DENND1A: variants seen among roughly 807,000 people sequenced by gnomAD.
DENND1A encodes DENN domain-containing protein 1A.
In DENND1A, 51 loss-of-function variants were observed where a neutral mutation model predicts 113.7. The observed-to-expected ratio is 0.45, with a 90% CI of 0.36 to 0.57. The LOEUF (loss-of-function observed/expected upper bound fraction) is 0.57. Ranked by LOEUF, DENND1A falls within the 20% of genes least tolerant of loss-of-function variation. DENND1A has a pLI of 0.00. For missense variants in DENND1A, 1,258 were observed against 1,395.9 expected (o/e 0.90, Z 1.57); for synonymous variants, 565 against 570.8 (o/e 0.99, Z 0.14).
chr9:123,565,678 G>T (rs962806137), intron 12 of DENND1A, among the ~76,000 whole-genome samples: 3 of 152,140 alleles, frequency 2.0e-5, no homozygotes, highest in African/African-American at 7.2e-5. Flanking sequence ...TTAGTGACTT[G>T]TTTTCCCATC....
rs73580148 is a variant in DENND1A, at chr9:123,661,708, G to A, written c.507+5318C>T. 4.7e-3 allele frequency among the ~76,000 whole-genome samples: 717 copies of A among 152,320 alleles called. 7 individuals carry two copies. The highest frequency in any genetic ancestry group is 0.017 in the African/African-American group (690 of 41,568). On this transcript the variant is annotated intron_variant, in intron 8 of 23. Coordinates refer to ENST00000394215, the MANE Select transcript of DENND1A (RefSeq NM_001352964.2). ...AATAAAACAAACAGAAGATAGGAAT[G>A]TTGAGCAGGAAAATAATACGAGGAG...
chr9:123,882,633 T>C (rs1467008013), intron 1 of DENND1A, among the ~76,000 whole-genome samples: 2 of 152,174 alleles, frequency 1.3e-5, no homozygotes, highest in Non-Finnish European at 2.9e-5. Flanking sequence ...CCCTGCTTTC[T>C]TCCTTGCCCC....
chr9:123,403,844 A>G (rs998128925), intron 20 of DENND1A, among the ~76,000 whole-genome samples: 3 of 152,168 alleles, frequency 2.0e-5, no homozygotes, highest in African/African-American at 7.2e-5. Context: ...ATCAATGACA[A>G]TTCCCTCTCA....
chr9:123,918,929 T>G lies in DENND1A; in HGVS notation c.17+10960A>C, dbSNP rs538350166. Among the ~76,000 whole-genome samples, 28 of 152,236 alleles carry G rather than the reference T, an allele frequency of 1.8e-4. No homozygotes were observed. The South Asian group carries it at 5.0e-3, about 27-fold the overall frequency. On this transcript the variant is annotated intron_variant, in intron 1 of 23. Coordinates refer to ENST00000394215, the MANE Select transcript of DENND1A (RefSeq NM_001352964.2). ...GTGAACTTGAATCTCATCAAGTCAC[T>G]TAATCCAACTACCAATTTGTAGGAA...
At chr9:123,765,789 T>C (rs1165449638) in intron 4 of DENND1A, among the ~76,000 whole-genome samples, 3 of 152,116 alleles carry the variant, frequency 2.0e-5, no homozygotes, top group African/African-American at 7.2e-5. Flanking sequence ...GTTTTTGAGA[T>C]TGATACAGGA....
intron 2 of DENND1A, among the ~76,000 whole-genome samples, chr9:123,867,267 C>G (rs1340863152): frequency 6.6e-6 from 1 of 152,036 alleles, no homozygotes; most frequent in African/African-American, 2.4e-5. Context: ...AAAAAGTCTT[C>G]TAAGCATTTA....
chr9:123,924,708 T>A (rs980045792), intron 1 of DENND1A, among the ~76,000 whole-genome samples: 1 of 151,976 alleles, frequency 6.6e-6, no homozygotes, highest in African/African-American at 2.4e-5. Context: ...TCTTATAAGA[T>A]TCACATACTA....
At chr9:123,601,050 C>T (rs894915675) in intron 11 of DENND1A, among the ~76,000 whole-genome samples, 4 of 152,150 alleles carry the variant, frequency 2.6e-5, no homozygotes, top group Non-Finnish European at 5.9e-5. Context: ...CCAGTTTTAA[C>T]ATTGCTAAAT....
At chr9:123,623,185 A>G (rs1020510348) in intron 10 of DENND1A, among the ~76,000 whole-genome samples, 4 of 152,262 alleles carry the variant, frequency 2.6e-5, no homozygotes, top group African/African-American at 9.6e-5. Context: ...TAAAAAGAGA[A>G]GATGAATTAT....
intron 13 of DENND1A, among the ~76,000 whole-genome samples, chr9:123,518,647 C>T (rs148757351): frequency 1.3e-5 from 2 of 152,190 alleles, no homozygotes; most frequent in East Asian, 3.9e-4. Flanking sequence ...ACAAGAGAGC[C>T]CATGGGAATG....
chr9:123,594,824 A>AT (rs1373061579), intron 11 of DENND1A, among the ~76,000 whole-genome samples: 3 of 152,228 alleles, frequency 2.0e-5, no homozygotes. Context: ...ATATGAGTAC[A>AT]TAACAAAGAA....
chr9:123,635,615 A>G (rs2061665371), intron 9 of DENND1A, among the ~76,000 whole-genome samples: 1 of 152,244 alleles, frequency 6.6e-6, no homozygotes, highest in Admixed American at 6.5e-5. Context: ...ACAAAATACC[A>G]ATGACAGAAA....
intron 20 of DENND1A, among the ~76,000 whole-genome samples, chr9:123,403,730 T>C (rs575288815): frequency 1.3e-5 from 2 of 152,332 alleles, no homozygotes; most frequent in African/African-American, 4.8e-5. Flanking sequence ...AAGCTCGGTT[T>C]CTTCATCTGC....
Position 123,780,476 on chromosome 9 carries a change from T to G in DENND1A, c.133-10913A>C, listed in dbSNP as rs77532217. Among the ~76,000 whole-genome samples, 358 of 152,316 alleles carry G rather than the reference T, an allele frequency of 2.4e-3. 3 individuals carry two copies. Among genetic ancestry groups the G allele is most frequent in the African/African-American group, 8.4e-3 (349 of 41,580 alleles). ...ATTGACTGAGCACTTACTATTGCCA[T>G]GCACTGTGCTAAAGTCTACATGCCT... On this transcript the variant is annotated intron_variant, in intron 3 of 23. Coordinates refer to ENST00000394215, the MANE Select transcript of DENND1A (RefSeq NM_001352964.2).
chr9:123,616,153 C>A (rs1263645974), intron 10 of DENND1A, among the ~76,000 whole-genome samples: 1 of 152,236 alleles, frequency 6.6e-6, no homozygotes, highest in Admixed American at 6.5e-5. Flanking sequence ...TGGTCTCGAA[C>A]TCCTGACCTC....
intron 1 of DENND1A, among the ~76,000 whole-genome samples, chr9:123,925,253 G>C (rs1856902000): frequency 6.6e-6 from 1 of 151,952 alleles, no homozygotes; most frequent in Admixed American, 6.6e-5. Flanking sequence ...CATATGTACT[G>C]CTCCCTCTGC....
chr9:123,396,788 G>T (rs78073771), intron 21 of DENND1A, among the ~76,000 whole-genome samples: 3,741 of 152,296 alleles, frequency 0.025, 69 homozygotes, highest in African/African-American at 0.042. Context: ...GAAGGATTCG[G>T]ACACATGTTT....
chr9:123,606,988 G>C lies in DENND1A; in HGVS notation c.765+2448C>G, dbSNP rs574157897. Among the ~76,000 whole-genome samples the C allele has an allele frequency of 2.6e-5, 4 of 152,336 alleles. 1 individual carries two copies. In the South Asian group the frequency reaches 8.3e-4, roughly 32 times the overall value. On this transcript the variant is annotated intron_variant, in intron 11 of 23. Transcript: ENST00000394215. ...TGGATATGTTTAGGGATCAGCAGGA[G>C]CACAAGCTAACATGGGTCAGTGACC...
At chr9:123,575,930 A>G (rs1411474150) in intron 12 of DENND1A, among the ~76,000 whole-genome samples, 1 of 152,214 alleles carries the variant, frequency 6.6e-6, no homozygotes, top group African/African-American at 2.4e-5. Context: ...AACCTCTGTA[A>G]ATTGGAGTGT....
Sources: gnomAD v4.1 joint callset for allele counts (sites outside exome capture counted in the v4.1 genomes callset) on GRCh38, gnomAD v4.1.1 for gene constraint, MANE v1.5 for transcripts, NCBI Gene and HGNC (gene_info 2026-07-23, HGNC 2026-07-21) for gene names.